NUDCD3: variants seen among roughly 807,000 people sequenced by gnomAD.
The protein encoded by NUDCD3 is NudC domain containing 3.
In NUDCD3, 13 loss-of-function variants were observed where a neutral mutation model predicts 39.7. The observed-to-expected ratio is 0.33, with a 90% CI of 0.21 to 0.52. The LOEUF is 0.52. Among genes scored for constraint, NUDCD3 ranks in the 20% least tolerant of loss-of-function variants. The pLI is 0.96. For missense variants in NUDCD3, 453 were observed against 458.1 expected, an observed-to-expected ratio of 0.99 and a Z score of 0.10; for synonymous variants, 175 against 172.4, an observed-to-expected ratio of 1.02 and a Z score of -0.12.
intron 2 of NUDCD3, among the ~76,000 whole-genome samples, chr7:44,449,861 A>G (rs1173557543): frequency 6.6e-6 from 1 of 151,928 alleles, no homozygotes; most frequent in East Asian, 1.9e-4. Flanking sequence ...ATAAAAAAAA[A>G]AAAAAAAACT....
intron 5 of NUDCD3, among the ~76,000 whole-genome samples, 161 bp downstream of exon 5, chr7:44,392,136 A>C (rs184798192): frequency 1.2e-3 from 176 of 152,338 alleles, no homozygotes; most frequent in African/African-American, 3.8e-3. Flanking sequence ...ATTGGGGACA[A>C]GAGCAGGTAA....
intron 2 of NUDCD3, among the ~76,000 whole-genome samples, chr7:44,433,494 T>C (rs1799407301): frequency 1.3e-5 from 2 of 152,018 alleles, no homozygotes; most frequent in Non-Finnish European, 2.9e-5. Context: ...GCAATGTGTG[T>C]GTGGTGCATG....
chr7:44,421,668 A>G (rs751402562), intron 3 of NUDCD3, among the ~76,000 whole-genome samples: 2 of 152,166 alleles, frequency 1.3e-5, no homozygotes, highest in Non-Finnish European at 2.9e-5. Flanking sequence ...AGATTCATAA[A>G]ACAAGTTCTT....
At chr7:44,395,998 C>T (rs759623658) in intron 4 of NUDCD3, among the ~76,000 whole-genome samples, 1 of 152,108 alleles carries the variant, frequency 6.6e-6, no homozygotes, top group Admixed American at 6.5e-5. Flanking sequence ...ATACTATTTT[C>T]GAAAGCAGCT....
chr7:44,442,756 C>T lies in NUDCD3; in HGVS notation c.510-15053G>A, dbSNP rs542262747. Among the ~76,000 whole-genome samples the T allele has an allele frequency of 3.8e-4, 54 of 142,242 alleles. No homozygotes were observed. In the South Asian group the frequency reaches 0.01, roughly 27 times the overall value. 93.3% of individuals were successfully genotyped at this position (142,242 alleles called of 152,430 possible). A position where few individuals can be genotyped will look rare whatever the true frequency, so the allele number is the denominator to read the frequency against. ...TTTGGCCCAGGCCGGACTGCAGTGG[C>T]GCTATCGCGGCTCACTGCAAGCTCC... On this transcript the variant is annotated intron_variant, in intron 2 of 5. Transcript: ENST00000355451.
chr7:44,449,179 C>T (rs1380225886), intron 2 of NUDCD3, among the ~76,000 whole-genome samples: 3 of 152,030 alleles, frequency 2.0e-5, no homozygotes, highest in Admixed American at 6.6e-5. Flanking sequence ...AGAACACCCA[C>T]GTTTAAGGGG....
Position 44,404,491 on chromosome 7 carries a change from C to G in NUDCD3, c.735G>C (p.Lys245Asn). ...TCCAGAGAGAACTCTCAGTGTTGAT[C>G]TTGTGGGTGAGCTTCCCTTCCATGA... ...RVLMEGKLTH[K>N]INTESSLWSL... The change falls in exon 4 of 6, where the codon AAG (lysine) becomes AAC (asparagine). Residue 245 changes from lysine (K) to asparagine (N), a missense_variant. By Grantham distance (94) the Lys-to-Asn change is moderately conservative (BLOSUM62 0). Transcript: ENST00000355451. The G allele has an allele frequency of 6.2e-7, 1 of 1,614,132 alleles. No individual in the cohort carries two copies. Among genetic ancestry groups the G allele is most frequent in the Non-Finnish European group, 8.5e-7 (1 of 1,180,020 alleles).
chr7:44,413,225 G>C (rs913092925), intron 3 of NUDCD3: 1 of 152,072 alleles, frequency 6.6e-6, no homozygotes, highest in East Asian at 1.9e-4. Flanking sequence ...CTGAGGCAGG[G>C]GGATTACTTG....
At chr7:44,462,945 CTGTGTGTGTGTGTGTG>C (rs3138779) in intron 2 of NUDCD3, among the ~76,000 whole-genome samples, 12 of 146,790 alleles carry the variant, frequency 8.2e-5, no homozygotes, top group Admixed American at 2.7e-4. Context: ...CACAACCAGG[CTGTGTGTGTGTGTGTG>C]TGTGTGTGTG....
At chr7:44,460,743 T>C (rs1799991784) in intron 2 of NUDCD3, among the ~76,000 whole-genome samples, 1 of 152,294 alleles carries the variant, frequency 6.6e-6, no homozygotes, top group South Asian at 2.1e-4. Flanking sequence ...ATGCTTTAAT[T>C]TGGGGGGAAA....
At chr7:44,398,166 T>C (rs1243056545) in intron 4 of NUDCD3, among the ~76,000 whole-genome samples, 1 of 152,158 alleles carries the variant, frequency 6.6e-6, no homozygotes, top group Non-Finnish European at 1.5e-5. Context: ...GTCCCATCTG[T>C]CCCACGAAGG....
At chr7:44,431,718 G>A (rs2116908627) in intron 2 of NUDCD3, among the ~76,000 whole-genome samples, 1 of 144,818 alleles carries the variant, frequency 6.9e-6, no homozygotes, top group African/African-American at 2.5e-5. Flanking sequence ...TGTCACCCAG[G>A]CTGGAGTGCA....
At chr7:44,399,158 T>G (rs1200010247) in intron 4 of NUDCD3, among the ~76,000 whole-genome samples, 1 of 152,214 alleles carries the variant, frequency 6.6e-6, no homozygotes, top group African/African-American at 2.4e-5. Context: ...ACCCTGTCCA[T>G]GGTGCCACCA....
intron 2 of NUDCD3, among the ~76,000 whole-genome samples, chr7:44,434,866 T>C (rs1409756329): frequency 6.6e-6 from 1 of 152,222 alleles, no homozygotes; most frequent in Non-Finnish European, 1.5e-5. Flanking sequence ...GGAACACTAA[T>C]AGCATCTCTC....
chr7:44,445,626 G>A (rs1388422713), intron 2 of NUDCD3, among the ~76,000 whole-genome samples: 1 of 152,112 alleles, frequency 6.6e-6, no homozygotes, highest in African/African-American at 2.4e-5. Flanking sequence ...GGGAGGAGGG[G>A]TGGGTTGTGT....
intron 2 of NUDCD3, among the ~76,000 whole-genome samples, chr7:44,454,148 G>A (rs887224670): frequency 6.6e-6 from 1 of 152,074 alleles, no homozygotes; most frequent in Non-Finnish European, 1.5e-5. Flanking sequence ...GACCATCCTG[G>A]CTAACACGGT....
chr7:44,461,497 C>T (rs1371190884), intron 2 of NUDCD3, among the ~76,000 whole-genome samples: 1 of 152,158 alleles, frequency 6.6e-6, no homozygotes, highest in Non-Finnish European at 1.5e-5. Context: ...GGGAGGCACA[C>T]TCATAAAGAC....
At chr7:44,441,593 C>A (rs1178328778) in intron 2 of NUDCD3, among the ~76,000 whole-genome samples, 3 of 152,134 alleles carry the variant, frequency 2.0e-5, no homozygotes, top group African/African-American at 7.2e-5. Flanking sequence ...ACTCTCTGTG[C>A]CACCCTCGCA....
intron 3 of NUDCD3, among the ~76,000 whole-genome samples, chr7:44,426,790 C>T (rs1450611294): frequency 2.1e-5 from 3 of 142,590 alleles, no homozygotes; most frequent in Non-Finnish European, 4.5e-5. Context: ...AGCGAGACTC[C>T]GTCTCAAAAA....
Sources: gnomAD v4.1 joint callset for allele counts (sites outside exome capture counted in the v4.1 genomes callset) on GRCh38, gnomAD v4.1.1 for gene constraint, MANE v1.5 for transcripts, NCBI Gene and HGNC (gene_info 2026-07-23, HGNC 2026-07-21) for gene names.